The following DACH1 variants were observed in gnomAD, a reference collection of about 807,000 sequenced individuals.
DACH1 encodes the protein dachshund family transcription factor 1.
DACH1 carries 12 observed loss-of-function variants against 54.2 expected under a neutral mutation model. That is an observed-to-expected ratio of 0.22 (90% confidence interval 0.14 to 0.36). DACH1 has a LOEUF of 0.36. Ranked by LOEUF, DACH1 falls within the 10% of genes least tolerant of loss-of-function variation. The pLI is 1.00. For synonymous variants in DACH1, 386 were observed against 366.2 expected, an observed-to-expected ratio of 1.05 and a Z score of -0.62; for missense variants, 805 against 929.8, an observed-to-expected ratio of 0.87 and a Z score of 1.75.
At chr13:71,628,643 CA>C (rs984169445) in intron 3 of DACH1, among the ~76,000 whole-genome samples, 1 of 151,860 alleles carries the variant, frequency 6.6e-6, no homozygotes, top group African/African-American at 2.4e-5. Context: ...TCATTTATTC[CA>C]GCTAAAATAC....
At chr13:71,701,189 T>A (rs915666910) in intron 1 of DACH1, among the ~76,000 whole-genome samples, 1 of 152,144 alleles carries the variant, frequency 6.6e-6, no homozygotes, top group Non-Finnish European at 1.5e-5. Context: ...TTCATTTAAA[T>A]CTTTTTTTAA....
intron 1 of DACH1, among the ~76,000 whole-genome samples, chr13:71,839,391 A>C (rs1475795766): frequency 1.3e-5 from 2 of 152,168 alleles, no homozygotes; most frequent in Admixed American, 6.5e-5. Context: ...GTGGATAATG[A>C]GGTCAGGAGA....
intron 1 of DACH1, among the ~76,000 whole-genome samples, chr13:71,684,937 A>G (rs1297622421): frequency 6.6e-6 from 1 of 152,174 alleles, no homozygotes; most frequent in East Asian, 1.9e-4. Flanking sequence ...TGCTAAATAT[A>G]CTTCTCAAGC....
At chr13:71,453,515 C>A (rs887082218) in intron 10 of DACH1, among the ~76,000 whole-genome samples, 1 of 152,024 alleles carries the variant, frequency 6.6e-6, no homozygotes, top group East Asian at 1.9e-4. Context: ...AAGAAAAAAA[C>A]CAGAGGTGGC....
At chr13:71,557,250 C>G in intron 5 of DACH1, 92 bp from the exon 6 acceptor site, 2 of 1,035,338 alleles carry the variant, frequency 1.9e-6, no homozygotes, top group South Asian at 2.2e-5. Flanking sequence ...CTCTTGGACT[C>G]AACAGTAACT....
chr13:71,797,289 A>G (rs1425620799), intron 1 of DACH1, among the ~76,000 whole-genome samples: 1 of 152,146 alleles, frequency 6.6e-6, no homozygotes, highest in African/African-American at 2.4e-5. Flanking sequence ...TTTAGAAAAG[A>G]AAACGTGGTA....
chr13:71,654,033 A>G (rs1878871405), intron 2 of DACH1, among the ~76,000 whole-genome samples: 1 of 152,180 alleles, frequency 6.6e-6, no homozygotes, highest in African/African-American at 2.4e-5. Flanking sequence ...GTGTATAAAC[A>G]CAAGCATACA....
intron 6 of DACH1, among the ~76,000 whole-genome samples, chr13:71,556,729 A>G (rs537262359): frequency 6.6e-6 from 1 of 152,146 alleles, no homozygotes. Context: ...GTATTGAAAA[A>G]GTCAAATAGC....
At chr13:71,646,732 C>A (rs898473320) in intron 2 of DACH1, among the ~76,000 whole-genome samples, 1 of 152,190 alleles carries the variant, frequency 6.6e-6, no homozygotes, top group Non-Finnish European at 1.5e-5. Context: ...TTGTTTTATT[C>A]AAGGTACCTC....
Position 71,488,984 on chromosome 13 carries a change from T to TA in DACH1, c.1722+12dup. 8 of 1,605,994 alleles carry TA rather than the reference T, an allele frequency of 5.0e-6. No individual in the cohort carries two copies. The highest frequency in any genetic ancestry group is 5.9e-6 in the Non-Finnish European group (7 of 1,177,044). ...TTCCATATGTCTTTCTTCCAGGTTG[T>TA]AAAAAGGCCTACCTGTATGTTAGTC... is the stretch of plus-strand genomic sequence containing the variant. On this transcript the variant is annotated intron_variant, in intron 7 of 10. Coordinates refer to ENST00000613252, the MANE Select transcript of DACH1 (RefSeq NM_080759.6).
intron 1 of DACH1, among the ~76,000 whole-genome samples, chr13:71,745,979 G>A (rs148055879): frequency 2.0e-5 from 3 of 152,286 alleles, no homozygotes; most frequent in African/African-American, 4.8e-5. Flanking sequence ...CAGCACTTTC[G>A]GAGGCCAACG....
At position 71,660,365 on chromosome 13, in the gene DACH1, A is replaced by C. The variant is rs144376939; in HGVS notation, c.964+21430T>G. 2.2e-3 allele frequency among the ~76,000 whole-genome samples: 333 copies of C among 152,270 alleles called. 3 individuals carry two copies. The East Asian group carries it at 0.048, about 22-fold the overall frequency. On this transcript the variant is annotated intron_variant, in intron 2 of 10. Transcript: ENST00000613252. ...TGAACATACAGCATGTCAATATTTC[A>C]GATCTGGCATATAAAATATGTATAC...
intron 6 of DACH1, among the ~76,000 whole-genome samples, chr13:71,499,771 G>T (rs563387026): frequency 6.6e-6 from 1 of 151,988 alleles, no homozygotes; most frequent in Non-Finnish European, 1.5e-5. Flanking sequence ...TAAAGTCTGC[G>T]CTTGCCCATA....
At chr13:71,695,485 CA>C (rs1273547571) in intron 1 of DACH1, among the ~76,000 whole-genome samples, 1 of 151,928 alleles carries the variant, frequency 6.6e-6, no homozygotes, top group African/African-American at 2.4e-5. Flanking sequence ...AACCTAAAGA[CA>C]AAAAAAGCAT....
intron 1 of DACH1, among the ~76,000 whole-genome samples, chr13:71,732,113 T>C (rs9318026): frequency 0.62 from 94,910 of 152,092 alleles, 36,955 homozygotes; most frequent in Non-Finnish European, 0.87. Flanking sequence ...ATTCCACCAT[T>C]ATCTATAGCT....
At chr13:71,452,424 A>G (rs1156559717) in intron 10 of DACH1, among the ~76,000 whole-genome samples, 1 of 152,126 alleles carries the variant, frequency 6.6e-6, no homozygotes, top group East Asian at 1.9e-4. Flanking sequence ...CATTGCACCT[A>G]GCTTAAATTC....
At chr13:71,851,602 AC>A (rs2138265545) in intron 1 of DACH1, among the ~76,000 whole-genome samples, 1 of 152,212 alleles carries the variant, frequency 6.6e-6, no homozygotes, top group Admixed American at 6.5e-5. Flanking sequence ...CACCCTTTGG[AC>A]TTGTGAACCA....
intron 1 of DACH1, among the ~76,000 whole-genome samples, chr13:71,688,589 G>A (rs1389318170): frequency 6.6e-6 from 1 of 152,084 alleles, no homozygotes; most frequent in Non-Finnish European, 1.5e-5. Context: ...GCACTTCTCA[G>A]TACAAACAGA....
intron 10 of DACH1, among the ~76,000 whole-genome samples, chr13:71,469,801 T>A (rs1876910325): frequency 6.6e-6 from 1 of 152,234 alleles, no homozygotes; most frequent in African/African-American, 2.4e-5. Flanking sequence ...TATTTTTACA[T>A]TAGAAAAAAG....
Sources: allele counts gnomAD v4.1 joint callset (sites outside exome capture counted in the v4.1 genomes callset), GRCh38; gene constraint gnomAD v4.1.1; transcripts MANE v1.5; gene names NCBI Gene and HGNC (gene_info 2026-07-23, HGNC 2026-07-21).